USP25: variants seen among roughly 807,000 people sequenced by gnomAD.
The protein encoded by USP25 is ubiquitin carboxyl-terminal hydrolase 25.
A neutral mutation model predicts 158.5 loss-of-function variants in USP25; 85 were observed. That is an observed-to-expected ratio of 0.54 (90% confidence interval 0.45 to 0.64). The LOEUF is 0.64. USP25 is among the 30% of genes least tolerant of loss of function. USP25 has a pLI of 0.00. For synonymous variants in USP25, 464 were observed against 460.4 expected (o/e 1.01, Z -0.10); for missense variants, 1,242 against 1,327.3 (o/e 0.94, Z 1.00).
chr21:15,848,837 C>T (rs2038752326), intron 19 of USP25, among the ~76,000 whole-genome samples: 1 of 151,996 alleles, frequency 6.6e-6, no homozygotes, highest in African/African-American at 2.4e-5. Flanking sequence ...GTATATAATC[C>T]AAAGTAAATA....
At chr21:15,742,339 G>A (rs750667229) in intron 1 of USP25, among the ~76,000 whole-genome samples, 36 of 152,148 alleles carry the variant, frequency 2.4e-4, no homozygotes, top group Non-Finnish European at 4.4e-4. Context: ...GTGCAGAGAG[G>A]AGCCAGGAAT....
chr21:15,783,641 T>C (rs978434235), intron 4 of USP25, among the ~76,000 whole-genome samples: 6 of 151,890 alleles, frequency 4.0e-5, no homozygotes, highest in African/African-American at 1.5e-4. Context: ...AGAGAATATA[T>C]CCGGCAGTGC....
chr21:15,856,567 G>A (rs1362605857), intron 20 of USP25, among the ~76,000 whole-genome samples: 4 of 152,084 alleles, frequency 2.6e-5, no homozygotes, highest in African/African-American at 4.8e-5. Flanking sequence ...CGCCTCCCGG[G>A]TTCACGCCAT....
chr21:15,810,718 C>G (rs1322998400), intron 8 of USP25, among the ~76,000 whole-genome samples: 1 of 152,006 alleles, frequency 6.6e-6, no homozygotes, highest in African/African-American at 2.4e-5. Flanking sequence ...AGGAAATAAC[C>G]TATCAAAATT....
At chr21:15,750,493 G>A (rs935918296) in intron 1 of USP25, among the ~76,000 whole-genome samples, 6 of 151,910 alleles carry the variant, frequency 3.9e-5, no homozygotes. Flanking sequence ...GGCTCCCAAA[G>A]TGCTGGGATT....
chr21:15,840,568 A>G (rs182160724), intron 17 of USP25, among the ~76,000 whole-genome samples: 6 of 152,274 alleles, frequency 3.9e-5, no homozygotes, highest in South Asian at 2.1e-4. Context: ...AGGTATATAC[A>G]TAGGGCAAAC....
chr21:15,791,268 TA>T (rs2035575664), intron 4 of USP25, among the ~76,000 whole-genome samples: 1 of 152,084 alleles, frequency 6.6e-6, no homozygotes, highest in East Asian at 1.9e-4. Flanking sequence ...TTCTATTATA[TA>T]AAACTGCCAT....
At chr21:15,755,285 A>G (rs188694526) in intron 1 of USP25, among the ~76,000 whole-genome samples, 7 of 152,094 alleles carry the variant, frequency 4.6e-5, no homozygotes, top group Admixed American at 4.6e-4. Flanking sequence ...ACCAAGTTTC[A>G]TTTATATTTG....
At chr21:15,751,289 G>C (rs553910414) in intron 1 of USP25, among the ~76,000 whole-genome samples, 1 of 152,092 alleles carries the variant, frequency 6.6e-6, no homozygotes, top group African/African-American at 2.4e-5. Flanking sequence ...GTGCTTTATC[G>C]TATCTAGATG....
chr21:15,866,211 A>G, intron 21 of USP25, 55 bp from the exon 22 acceptor site: 1 of 1,054,080 alleles, frequency 9.5e-7, no homozygotes, highest in Non-Finnish European at 1.3e-6. Flanking sequence ...AAATATATAT[A>G]TATATATATA....
intron 6 of USP25, among the ~76,000 whole-genome samples, chr21:15,802,479 C>G (rs1022887452): frequency 4.0e-5 from 6 of 151,352 alleles, no homozygotes; most frequent in African/African-American, 4.8e-5. Context: ...AGGTAGAAAT[C>G]AACAACAGAA....
chr21:15,830,716 C>A, intron 15 of USP25, 115 bp downstream of exon 15: 2 of 837,032 alleles, frequency 2.4e-6, no homozygotes, highest in East Asian at 2.9e-5. Context: ...AAAATTTTGG[C>A]AAATCTTATT....
At chr21:15,730,547 C>T (rs2030707970) in intron 1 of USP25, 109 bp downstream of exon 1, 2 of 1,201,054 alleles carry the variant, frequency 1.7e-6, no homozygotes, top group African/African-American at 1.6e-5. Flanking sequence ...CCCGGGCTTC[C>T]TCCCCGGTCA....
chr21:15,862,137 A>G (rs1018163479), intron 20 of USP25, among the ~76,000 whole-genome samples: 1 of 152,120 alleles, frequency 6.6e-6, no homozygotes, highest in East Asian at 1.9e-4. Flanking sequence ...ACTCAGTACA[A>G]ATTTGTTTTA....
intron 3 of USP25, among the ~76,000 whole-genome samples, chr21:15,767,761 ATTG>A (rs1418752133): frequency 6.6e-6 from 1 of 152,196 alleles, no homozygotes; most frequent in East Asian, 1.9e-4. Context: ...AACAGAGATC[ATTG>A]TTGTTAGTTG....
intron 14 of USP25, among the ~76,000 whole-genome samples, chr21:15,829,520 A>G (rs117464021): frequency 0.018 from 2,784 of 152,258 alleles, 55 homozygotes; most frequent in Non-Finnish European, 0.027. Context: ...TTCACAATTG[A>G]AAAACTGGTA....
chr21:15,749,041 C>G (rs1257023276), intron 1 of USP25, among the ~76,000 whole-genome samples: 1 of 150,814 alleles, frequency 6.6e-6, no homozygotes, highest in Non-Finnish European at 1.5e-5. Flanking sequence ...TTTTCTTAAG[C>G]TATAGCTCAG....
At chr21:15,871,459 A>T (rs1568915880) in intron 23 of USP25, among the ~76,000 whole-genome samples, 1 of 152,216 alleles carries the variant, frequency 6.6e-6, no homozygotes. Context: ...ATCAGACTTC[A>T]CAGAGATGTA....
At chr21:15,820,458 T>G (rs2037175600) in intron 10 of USP25, among the ~76,000 whole-genome samples, 4 of 151,388 alleles carry the variant, frequency 2.6e-5, no homozygotes, top group Admixed American at 2.6e-4. Flanking sequence ...TCATCTAGCC[T>G]AGGGAATATA....
Sources: allele counts gnomAD v4.1 joint callset (sites outside exome capture counted in the v4.1 genomes callset), GRCh38; gene constraint gnomAD v4.1.1; transcripts MANE v1.5; gene names NCBI Gene and HGNC (gene_info 2026-07-23, HGNC 2026-07-21).